Variants in CSMD3 observed in about 807,000 individuals in gnomAD.
CSMD3 encodes CUB and sushi domain-containing protein 3.
CSMD3 carries 177 observed loss-of-function variants against 435.2 expected under a neutral mutation model. The ratio of observed to expected loss-of-function variants is 0.41; its 90% confidence interval spans 0.36 to 0.46. CSMD3 has a LOEUF of 0.46. CSMD3 is among the 20% of genes least tolerant of loss of function. The pLI, the probability that CSMD3 is intolerant of heterozygous loss-of-function variation, is 0.34. For missense variants in CSMD3, 4,265 were observed against 4,504.6 expected, an observed-to-expected ratio of 0.95 and a Z score of 1.52; for synonymous variants, 1,656 against 1,520.5, an observed-to-expected ratio of 1.09 and a Z score of -2.07.
At chr8:112,764,936 T>C (rs1052715128) in intron 13 of CSMD3, among the ~76,000 whole-genome samples, 6 of 151,406 alleles carry the variant, frequency 4.0e-5, no homozygotes, top group Non-Finnish European at 5.9e-5. Context: ...AAGATTAGTA[T>C]ATAAAGCAAG....
intron 5 of CSMD3, among the ~76,000 whole-genome samples, chr8:113,057,328 T>C (rs1037899315): frequency 2.0e-5 from 3 of 152,170 alleles, no homozygotes; most frequent in African/African-American, 7.2e-5. Context: ...TCTTAGAACT[T>C]TGGAAGAATA....
intron 47 of CSMD3, among the ~76,000 whole-genome samples, chr8:112,316,131 G>T (rs1822438634): frequency 6.6e-6 from 1 of 151,700 alleles, no homozygotes; most frequent in East Asian, 1.9e-4. Flanking sequence ...CTTGAAAACC[G>T]GCCAGAACTA....
chr8:113,435,855 T>C (rs1027806580), intron 1 of CSMD3, among the ~76,000 whole-genome samples: 3 of 152,222 alleles, frequency 2.0e-5, no homozygotes, highest in Non-Finnish European at 2.9e-5. Context: ...CTTTTTCCCA[T>C]GATCCTGACT....
intron 5 of CSMD3, among the ~76,000 whole-genome samples, chr8:113,080,540 T>C (rs1427275286): frequency 6.6e-6 from 1 of 152,176 alleles, no homozygotes. Flanking sequence ...CCTAATGCAA[T>C]ATGATGAGTA....
chr8:113,250,368 T>C (rs1291662129), intron 3 of CSMD3, among the ~76,000 whole-genome samples: 1 of 152,072 alleles, frequency 6.6e-6, no homozygotes, highest in African/African-American at 2.4e-5. Context: ...CACATCCTGA[T>C]GTAGAAGGGA....
chr8:112,991,001 G>C (rs547632516), intron 6 of CSMD3, among the ~76,000 whole-genome samples: 2 of 151,276 alleles, frequency 1.3e-5, no homozygotes, highest in African/African-American at 4.9e-5. Context: ...GATTACCTCG[G>C]GTCATCTCTA....
At chr8:112,880,551 T>C (rs1302321579) in intron 10 of CSMD3, among the ~76,000 whole-genome samples, 10 of 152,044 alleles carry the variant, frequency 6.6e-5, no homozygotes, top group Admixed American at 2.6e-4. Context: ...AATGGACTTC[T>C]AGGCAGGGGG....
At chr8:112,294,316 A>G (rs1820054983) in intron 54 of CSMD3, among the ~76,000 whole-genome samples, 2 of 152,128 alleles carry the variant, frequency 1.3e-5, no homozygotes, top group South Asian at 4.1e-4. Context: ...AACGCATACT[A>G]AAAGTCCCAT....
chr8:113,376,717 C>T (rs368507855), intron 1 of CSMD3: 2 of 1,613,624 alleles, frequency 1.2e-6, no homozygotes, highest in Non-Finnish European at 1.7e-6. Context: ...GCGCAAGGAG[C>T]CTAAGAGCCA....
intron 1 of CSMD3, among the ~76,000 whole-genome samples, chr8:113,365,138 G>T (rs1264634808): frequency 1.3e-5 from 2 of 151,996 alleles, no homozygotes; most frequent in Non-Finnish European, 2.9e-5. Context: ...ATGAGCAAGA[G>T]TTTATGACTT....
intron 13 of CSMD3, among the ~76,000 whole-genome samples, chr8:112,787,578 C>CAAAAACA (rs1206913613): frequency 6.6e-6 from 1 of 152,162 alleles, no homozygotes; most frequent in Non-Finnish European, 1.5e-5. Flanking sequence ...AACTGTGCTG[C>CAAAAACA]ATATACACAA....
chr8:113,082,452 T>A (rs890554342), intron 5 of CSMD3, among the ~76,000 whole-genome samples: 7 of 152,152 alleles, frequency 4.6e-5, no homozygotes, highest in Non-Finnish European at 4.4e-5. Flanking sequence ...CAAAGCACTC[T>A]GTCCAACAGA....
intron 45 of CSMD3, among the ~76,000 whole-genome samples, chr8:112,333,088 A>C (rs1420151046): frequency 2.0e-5 from 3 of 152,204 alleles, no homozygotes; most frequent in African/African-American, 4.8e-5. Flanking sequence ...GAAAGTAGAG[A>C]TCAAAGTGTA....
intron 38 of CSMD3, among the ~76,000 whole-genome samples, chr8:112,356,595 G>A (rs1826630761): frequency 6.6e-6 from 1 of 151,454 alleles, no homozygotes; most frequent in Admixed American, 6.6e-5. Context: ...CACTTCCCAT[G>A]TGTCTCCTCC....
intron 57 of CSMD3, among the ~76,000 whole-genome samples, chr8:112,288,701 G>A (rs28453001): frequency 0.48 from 73,398 of 151,604 alleles, 18,124 homozygotes; most frequent in Middle Eastern, 0.57. Context: ...CGTAAATGGT[G>A]TTTTTGAAAA....
intron 3 of CSMD3, among the ~76,000 whole-genome samples, chr8:113,267,912 G>A (rs906467168): frequency 5.9e-5 from 9 of 151,560 alleles, no homozygotes; most frequent in South Asian, 2.1e-4. Context: ...GATACATGCC[G>A]AAATTATTTA....
chr8:112,759,799 T>A (rs903789911), intron 13 of CSMD3, among the ~76,000 whole-genome samples: 1 of 152,132 alleles, frequency 6.6e-6, no homozygotes, highest in Non-Finnish European at 1.5e-5. Context: ...CAGAATATAA[T>A]CTTGACTGAA....
At chr8:112,617,790 T>C (rs1833772351) in intron 22 of CSMD3, among the ~76,000 whole-genome samples, 1 of 152,172 alleles carries the variant, frequency 6.6e-6, no homozygotes. Flanking sequence ...TTCAGAATAA[T>C]ACATAATGCA....
intron 23 of CSMD3, among the ~76,000 whole-genome samples, chr8:112,579,472 T>A (rs946553491): frequency 1.3e-5 from 2 of 152,002 alleles, no homozygotes; most frequent in African/African-American, 4.8e-5. Flanking sequence ...TATACATAAA[T>A]AACCTCAAAA....
Sources: allele counts gnomAD v4.1 joint callset (sites outside exome capture counted in the v4.1 genomes callset), GRCh38; gene constraint gnomAD v4.1.1; transcripts MANE v1.5; gene names NCBI Gene and HGNC (gene_info 2026-07-23, HGNC 2026-07-21).